The following ZBTB40 variants were observed in gnomAD, a reference collection of about 807,000 sequenced individuals.
The protein encoded by ZBTB40 is zinc finger and BTB domain-containing protein 40.
ZBTB40 carries 60 observed loss-of-function variants against 117.5 expected under a neutral mutation model. The observed-to-expected ratio is 0.51, with a 90% CI of 0.41 to 0.63. The LOEUF is 0.63. ZBTB40 is among the 30% of genes least tolerant of loss of function. The pLI, the probability that ZBTB40 is intolerant of heterozygous loss-of-function variation, is 0.00. For synonymous variants in ZBTB40, 525 were observed against 577.1 expected (o/e 0.91, Z 1.29); for missense variants, 1,287 against 1,498.5 (o/e 0.86, Z 2.33).
At chr1:22,451,341 C>T (rs1452623574), upstream of ZBTB40, among the ~76,000 whole-genome samples, 1 of 152,178 alleles carries the variant, frequency 6.6e-6, no homozygotes, top group Non-Finnish European at 1.5e-5. Flanking sequence ...CTAGAGCTGC[C>T]GGAGCGAGAC....
At chr1:22,521,406 A>C (rs908427600) in intron 14 of ZBTB40, 90 bp from the exon 15 acceptor site, 52 of 1,552,680 alleles carry the variant, frequency 3.3e-5, no homozygotes, top group Non-Finnish European at 4.4e-5. Flanking sequence ...AGCTTATCCA[A>C]AAATGTATTT....
In ZBTB40 at chr1:22,506,137, C is replaced by G; in HGVS notation, c.1256C>G (p.Ala419Gly). The change falls in exon 6 of 18, where the codon GCT (alanine) becomes GGT (glycine). Residue 419 changes from alanine (A) to glycine (G), a missense_variant. By Grantham distance (60) the Ala-to-Gly change is moderately conservative. Around this residue, in one of 2 missense-constraint regions of ZBTB40, gnomAD observed 870 missense variants for 934.4 expected, o/e 0.93. Coordinates refer to ENST00000375647, the MANE Select transcript of ZBTB40 (RefSeq NM_014870.4). ...ATGACTGAAGAGAAGACGCTGACTG[C>G]TGAGGGTTTGGTAAAACTCCTCCAG... The part of the protein sequence containing the change: ...HRMTEEKTLT[A>G]EGLVKLLQAV... The G allele has an allele frequency of 3.1e-6, 5 of 1,614,170 alleles. No individual in the cohort carries two copies. Among genetic ancestry groups the G allele is most frequent in the Non-Finnish European group, 4.2e-6 (5 of 1,180,026 alleles).
chr1:22,453,883 G>T (rs529638346), intron 1 of ZBTB40, among the ~76,000 whole-genome samples: 1 of 152,244 alleles, frequency 6.6e-6, no homozygotes, highest in East Asian at 1.9e-4. Context: ...CCCACAACCT[G>T]GTGTTTGCAG....
At chr1:22,499,943 G>A (rs1009271307) in intron 3 of ZBTB40, among the ~76,000 whole-genome samples, 1 of 152,190 alleles carries the variant, frequency 6.6e-6, no homozygotes, top group African/African-American at 2.4e-5. Context: ...GGGGAGACGT[G>A]TGTGTGTAGA....
chr1:22,509,743 A>G (rs1383214923), intron 9 of ZBTB40, among the ~76,000 whole-genome samples: 2 of 152,218 alleles, frequency 1.3e-5, no homozygotes, highest in Non-Finnish European at 2.9e-5. Context: ...ATGTTATCAC[A>G]TTTTATAGAC....
rs530912221 is a variant in ZBTB40, at chr1:22,529,409, G to C, written c.*3013G>C. On this transcript the variant is annotated 3_prime_UTR_variant, in exon 18 of 18. Transcript: ENST00000375647. ...TCTGCTCCCAGAGCTCATGGCCCAGGTGGTGAGGAGGGAAAGGCAGTCAGA... is the reference window on the plus strand; with the variant it reads ...TCTGCTCCCAGAGCTCATGGCCCAGCTGGTGAGGAGGGAAAGGCAGTCAGA... 4 of 152,672 alleles carry C rather than the reference G, an allele frequency of 2.6e-5. No homozygotes were observed. The South Asian group carries it at 6.2e-4, about 24-fold the overall frequency. The allele number at this position is 152,672 out of a possible 1,614,324, so 9.5% of individuals were successfully genotyped here. A position where few individuals can be genotyped will look rare whatever the true frequency, so the allele number is the denominator to read the frequency against.
At chr1:22,478,872 C>T (rs1386910708) in intron 1 of ZBTB40, among the ~76,000 whole-genome samples, 2 of 152,114 alleles carry the variant, frequency 1.3e-5, no homozygotes, top group East Asian at 3.9e-4. Context: ...CTCTTGTAAC[C>T]ATGACCCAAA....
intron 12 of ZBTB40, among the ~76,000 whole-genome samples, chr1:22,516,698 C>G (rs1442314939): frequency 2.0e-5 from 3 of 152,172 alleles, no homozygotes; most frequent in Non-Finnish European, 4.4e-5. Flanking sequence ...CATAAGGGAG[C>G]TTGGAGGTTC....
intron 1 of ZBTB40, among the ~76,000 whole-genome samples, chr1:22,458,129 C>T (rs1322036998): frequency 2.0e-5 from 3 of 152,222 alleles, no homozygotes; most frequent in Admixed American, 2.0e-4. Flanking sequence ...GTTAGAGTTG[C>T]TATAATCTCT....
chr1:22,432,916 G>A (rs1640616617), intron 1 of ZBTB40, among the ~76,000 whole-genome samples: 2 of 152,190 alleles, frequency 1.3e-5, no homozygotes, highest in African/African-American at 4.8e-5. Context: ...CAATGGAAAA[G>A]CAAGTCACGT....
chr1:22,459,517 C>T (rs578103160), intron 1 of ZBTB40, among the ~76,000 whole-genome samples: 2 of 152,282 alleles, frequency 1.3e-5, no homozygotes, highest in Non-Finnish European at 2.9e-5. Flanking sequence ...CCTTTGTATG[C>T]ATTTAGATTT....
intron 6 of ZBTB40, among the ~76,000 whole-genome samples, chr1:22,507,513 A>G (rs182821337): frequency 1.2e-3 from 190 of 152,274 alleles, no homozygotes; most frequent in Admixed American, 2.3e-3. Context: ...GATAGTTTCA[A>G]TTTTTCTTAA....
chr1:22,516,693 G>C (rs577837811), intron 12 of ZBTB40, among the ~76,000 whole-genome samples: 1 of 152,150 alleles, frequency 6.6e-6, no homozygotes, highest in Non-Finnish European at 1.5e-5. Flanking sequence ...CGGCCCATAA[G>C]GGAGCTTGGA....
intron 1 of ZBTB40, among the ~76,000 whole-genome samples, chr1:22,477,522 G>A (rs1363452509): frequency 2.0e-5 from 3 of 151,918 alleles, no homozygotes; most frequent in Non-Finnish European, 2.9e-5. Flanking sequence ...GGTGGCACGC[G>A]CCTGTAGTCC....
intron 1 of ZBTB40, among the ~76,000 whole-genome samples, chr1:22,468,635 C>G (rs1229384858): frequency 8.2e-6 from 1 of 121,338 alleles, no homozygotes; most frequent in Non-Finnish European, 1.6e-5. Flanking sequence ...GCCACCATGC[C>G]TGGCTGGCTT....
chr1:22,443,737 T>C (rs1216098950), intron 1 of ZBTB40, among the ~76,000 whole-genome samples: 1 of 152,226 alleles, frequency 6.6e-6, no homozygotes, highest in Non-Finnish European at 1.5e-5. Flanking sequence ...TTTCAAAATA[T>C]GTCAAAGAAA....
chr1:22,457,781 G>C (rs967477052), intron 1 of ZBTB40, among the ~76,000 whole-genome samples: 1 of 152,198 alleles, frequency 6.6e-6, no homozygotes. Context: ...CTTATTTTGA[G>C]AAAATACTGT....
At position 22,502,461 on chromosome 1, in the gene ZBTB40, C is replaced by T. The variant is rs1638963984; in HGVS notation, c.1167+20C>T. The T allele has an allele frequency of 6.2e-7, 1 of 1,613,616 alleles. No individual in the cohort carries two copies. The highest frequency in any genetic ancestry group is 1.1e-5 in the South Asian group (1 of 91,074). The stretch of plus-strand genomic sequence containing the variant: ...AAAAGGGTAACTGTGTCAAGTGTCT[C>T]CTCCCTCCTCCTGAATTCATATAGC... On this transcript the variant is annotated intron_variant, in intron 5 of 17. Coordinates refer to ENST00000375647, the MANE Select transcript of ZBTB40 (RefSeq NM_014870.4).
chr1:22,525,017 A>G (rs1639639206), intron 17 of ZBTB40, among the ~76,000 whole-genome samples: 2 of 152,088 alleles, frequency 1.3e-5, no homozygotes, highest in African/African-American at 4.8e-5. Context: ...CATCGTCAGT[A>G]ATTTGTGGGT....
Sources: gnomAD v4.1 joint callset for allele counts (sites outside exome capture counted in the v4.1 genomes callset) on GRCh38, gnomAD v4.1.1 for gene constraint, gnomAD v4.1.1 regional missense constraint, MANE v1.5 for transcripts, NCBI Gene and HGNC (gene_info 2026-07-23, HGNC 2026-07-21) for gene names.